The following B4GALT2 variants were observed in gnomAD, a reference collection of about 807,000 sequenced individuals.
The protein encoded by B4GALT2 is N-acetyllactosamine synthase.
B4GALT2 carries 18 observed loss-of-function variants against 33.2 expected under a neutral mutation model. That is an observed-to-expected ratio of 0.54 (90% confidence interval 0.38 to 0.80). B4GALT2 has a LOEUF of 0.80. Ranked by LOEUF, B4GALT2 falls within the 30% of genes least tolerant of loss-of-function variation. B4GALT2 has a pLI of 0.00. For missense variants in B4GALT2, 404 were observed against 526.2 expected (o/e 0.77, Z 2.27); for synonymous variants, 214 against 217.6 (o/e 0.98, Z 0.15).
In B4GALT2 at chr1:43,984,331, C is replaced by T. The variant is rs115030414; in HGVS notation, c.550-534C>T. ...ATTCGTTGTTTGTCTCACTGCATGA[C>T]TCTATACACAGCAGGGAGGGGACCA... On this transcript the variant is annotated intron_variant, in intron 3 of 6. Coordinates refer to ENST00000372324, the MANE Select transcript of B4GALT2 (RefSeq NM_003780.5). The surrounding 1 kb of genome is among the most constrained non-coding windows in gnomAD (Gnocchi z 5.6). Among the ~76,000 whole-genome samples, 446 of 152,362 alleles carry T rather than the reference C, an allele frequency of 2.9e-3. No homozygotes were observed. The highest frequency in any genetic ancestry group is 1.0e-2 in the African/African-American group (414 of 41,588).
intron 6 of B4GALT2, among the ~76,000 whole-genome samples, chr1:43,989,089 A>G (rs1319222912): frequency 6.6e-6 from 1 of 152,084 alleles, no homozygotes; most frequent in Non-Finnish European, 1.5e-5. Flanking sequence ...GCTCATGCCT[A>G]TAATCCCAGC....
Position 43,985,613 on chromosome 1 carries a change from C to T in B4GALT2, c.960C>T (p.Asn320=), listed in dbSNP as rs763400893. 6.2e-6 allele frequency: 10 copies of T among 1,613,960 alleles called. No individual in the cohort carries two copies. In the Admixed American group the frequency reaches 1.0e-4, roughly 16 times the overall value. ...ACCGCGACAAGCATAACGAACCTAA[C>T]CCTCAGAGGTGACCCCAGCACCCTC... The part of the protein sequence containing the change: ...KHDRDKHNEP[N]PQRFTKIQNT... Residue 320 remains asparagine, a synonymous_variant, in exon 6 of 7, where the codon AAC becomes AAT. Coordinates refer to ENST00000372324, the MANE Select transcript of B4GALT2 (RefSeq NM_003780.5).
At chr1:43,989,575 C>G (rs911401663) in intron 6 of B4GALT2, among the ~76,000 whole-genome samples, 1 of 152,200 alleles carries the variant, frequency 6.6e-6, no homozygotes, top group Non-Finnish European at 1.5e-5. Context: ...ATCGAACAAA[C>G]ATGCATGTTA....
Position 43,981,995 on chromosome 1 carries a change from T to C in B4GALT2, c.549+71T>C, listed in dbSNP as rs1489493524. 1 of 1,479,020 alleles carries C rather than the reference T, an allele frequency of 6.8e-7. No individual in the cohort carries two copies. The highest frequency in any genetic ancestry group is 1.8e-5 in the Admixed American group (1 of 55,672). 91.6% of individuals were successfully genotyped at this position (1,479,020 alleles called of 1,614,324 possible). On this transcript the variant is annotated intron_variant, in intron 3 of 6. Coordinates refer to ENST00000372324, the MANE Select transcript of B4GALT2 (RefSeq NM_003780.5). This position sits in a 1 kb window ranked among gnomAD's most constrained non-coding sequence, Gnocchi z 8.1. Reference sequence around the variant, plus strand: ...TTGGGGGCGTTTGTGGGTCCTTGTCTGCCCGTGTGGATATGTGGATGGACC... The same window carrying C: ...TTGGGGGCGTTTGTGGGTCCTTGTCCGCCCGTGTGGATATGTGGATGGACC...
rs1056470275 is a variant in B4GALT2, at chr1:43,981,199, C to T, written c.39C>T (p.Cys13=). The T allele has an allele frequency of 3.1e-6, 5 of 1,602,216 alleles. No individual in the cohort carries two copies. The African/African-American group carries it at 6.7e-5, about 21-fold the overall frequency. Residue 13 remains cysteine (C), a synonymous_variant, in exon 2 of 7, where the codon TGC becomes TGT. Transcript: ENST00000372324. This position sits in a 1 kb window ranked among gnomAD's most constrained non-coding sequence, Gnocchi z 8.1. The stretch of plus-strand genomic sequence containing the variant: ...TGGGGGGGACGCTGGAGCGCGTCTG[C>T]AAGGCTGTGCTCCTTCTCTGCCTGC... ...RLLGGTLERV[C]KAVLLLCLLH...
Position 43,979,875 on chromosome 1 carries a change from A to C in B4GALT2, c.-53+364A>C. 8.6e-6 allele frequency: 8 copies of C among 925,092 alleles called. No individual in the cohort carries two copies. Among genetic ancestry groups the C allele is most frequent in the East Asian group, 6.1e-5 (2 of 32,984 alleles). The allele number at this position is 925,092 out of a possible 1,614,324, so 57.3% of individuals were successfully genotyped here. A position where few individuals can be genotyped will look rare whatever the true frequency, so the allele number is the denominator to read the frequency against. On this transcript the variant is annotated intron_variant, in intron 1 of 6. Transcript: ENST00000372324. This position sits in a 1 kb window ranked among gnomAD's most constrained non-coding sequence, Gnocchi z 4.8. ...TGCGGCCTGCCCGTCCGCGGGTGCC[A>C]CGTGTTCAGCCTGCCAGCCCCGCCC...
At position 43,985,274 on chromosome 1, in the gene B4GALT2, A is replaced by G; in HGVS notation, c.741-4A>G. 2 of 1,609,970 alleles carry G rather than the reference A, an allele frequency of 1.2e-6. No homozygotes were observed. Among genetic ancestry groups the G allele is most frequent in the Non-Finnish European group, 1.7e-6 (2 of 1,177,722 alleles). On this transcript the variant is annotated splice_polypyrimidine_tract_variant and splice_region_variant and intron_variant, in intron 4 of 6. Transcript: ENST00000372324. ...TTACTGACACCTGCCTTCCCATGCC[A>G]CAGGCTTCCCTATGCTGGCTACTTT...
At position 43,981,961 on chromosome 1, in the gene B4GALT2, A is replaced by G. The variant is rs372644633; in HGVS notation, c.549+37A>G. On this transcript the variant is annotated intron_variant, in intron 3 of 6. Transcript: ENST00000372324. This position sits in a 1 kb window ranked among gnomAD's most constrained non-coding sequence, Gnocchi z 8.1. ...GGGGTCCATGTGCCTGTTGGTGTATATATGTGGGTTGGGGGCGTTTGTGGG... is the reference window on the plus strand; with the variant it reads ...GGGGTCCATGTGCCTGTTGGTGTATGTATGTGGGTTGGGGGCGTTTGTGGG... The G allele has an allele frequency of 2.5e-6, 4 of 1,599,976 alleles. No homozygotes were observed. Among genetic ancestry groups the G allele is most frequent in the Non-Finnish European group, 3.4e-6 (4 of 1,169,390 alleles).
intron 6 of B4GALT2, 47 bp from the exon 7 acceptor site, chr1:43,990,251 A>G: frequency 6.2e-7 from 1 of 1,601,006 alleles, no homozygotes; most frequent in African/African-American, 1.3e-5. Context: ...TTTTATTTTT[A>G]GTTTACAGTT....
rs1041781565 is a variant in B4GALT2 at position 43,990,232 on chromosome 1, G to A, written c.969-66G>A. On this transcript the variant is annotated intron_variant, in intron 6 of 6. Coordinates refer to ENST00000372324, the MANE Select transcript of B4GALT2 (RefSeq NM_003780.5). ...AGGGGGTCCATTTAGTTGGTTGGGG[G>A]GTGTAGGATTTTATTTTTAGTTTAC... The A allele has an allele frequency of 5.7e-6, 9 of 1,588,104 alleles. No individual in the cohort carries two copies. In the African/African-American group the frequency reaches 9.4e-5, roughly 17 times the overall value.
rs1013459758 is a variant in B4GALT2, at chr1:43,982,206, T to A, written c.549+282T>A. Among the ~76,000 whole-genome samples, 1 of 151,850 alleles carries A rather than the reference T, an allele frequency of 6.6e-6. No individual in the cohort carries two copies. The highest frequency in any genetic ancestry group is 1.5e-5 in the Non-Finnish European group (1 of 67,936). ...GCCTTGGGTATGCTGTAGGAGGAGA[T>A]GTTGAGGGCCCTGAGGAGAGGGAGT... On this transcript the variant is annotated intron_variant, in intron 3 of 6. Coordinates refer to ENST00000372324, the MANE Select transcript of B4GALT2 (RefSeq NM_003780.5). The surrounding 1 kb of genome is among the most constrained non-coding windows in gnomAD (Gnocchi z 4.3).
At chr1:43,980,757 A>G in intron 1 of B4GALT2, 3 of 406,484 alleles carry the variant, frequency 7.4e-6, no homozygotes, top group Non-Finnish European at 1.2e-5. Flanking sequence ...GCTTAGGTAC[A>G]AACCAGTGTG....
In B4GALT2 at chr1:43,990,280, C is replaced by T; in HGVS notation, c.969-18C>T. The T allele has an allele frequency of 6.2e-7, 1 of 1,613,674 alleles. No homozygotes were observed. Among genetic ancestry groups the T allele is most frequent in the Non-Finnish European group, 8.5e-7 (1 of 1,179,620 alleles). On this transcript the variant is annotated intron_variant, in intron 6 of 6. Transcript: ENST00000372324. The stretch of plus-strand genomic sequence containing the variant: ...TACAGTTGTTAGCCCTGATGTGGAC[C>T]ATTTCCATCCTATCTAGGTTTACCA...
intron 6 of B4GALT2, among the ~76,000 whole-genome samples, chr1:43,988,010 C>G (rs2085677960): frequency 6.6e-6 from 1 of 152,180 alleles, no homozygotes; most frequent in South Asian, 2.1e-4. Context: ...CCAACTTGCC[C>G]TGAGATGAAG....
In B4GALT2 at chr1:43,990,635, G is replaced by A; in HGVS notation, c.*187G>A. The stretch of plus-strand genomic sequence containing the variant: ...CCACTTTGGGGGGCCTCCTGCCTGG[G>A]CAGGCTCTTCAAGTGTGGCCCTCTT... On this transcript the variant is annotated 3_prime_UTR_variant, in exon 7 of 7. Coordinates refer to ENST00000372324, the MANE Select transcript of B4GALT2 (RefSeq NM_003780.5). 5.1e-6 allele frequency: 4 copies of A among 787,046 alleles called. No homozygotes were observed. The highest frequency in any genetic ancestry group is 7.9e-6 in the Non-Finnish European group (4 of 507,250). 48.8% of individuals were successfully genotyped at this position (787,046 alleles called of 1,614,324 possible).
rs1201895885 is a variant in B4GALT2 at position 43,984,720 on chromosome 1, AG to A, written c.550-144del. 3.5e-6 allele frequency: 3 copies of A among 859,616 alleles called. No homozygotes were observed. Among genetic ancestry groups the A allele is most frequent in the African/African-American group, 3.4e-5 (2 of 58,524 alleles). 53.2% of individuals were successfully genotyped at this position (859,616 alleles called of 1,614,324 possible). A position where few individuals can be genotyped will look rare whatever the true frequency, so the allele number is the denominator to read the frequency against. ...GCCTTTGTAGGCCAGATCCCGGTCG[AG>A]AAGCTGGACTAGATCCTGAGAGCCT... On this transcript the variant is annotated intron_variant, in intron 3 of 6. Transcript: ENST00000372324. This position sits in a 1 kb window ranked among gnomAD's most constrained non-coding sequence, Gnocchi z 5.6.
chr1:43,984,806 A>G lies in B4GALT2; in HGVS notation c.550-59A>G. The G allele has an allele frequency of 1.3e-6, 2 of 1,559,686 alleles. No individual in the cohort carries two copies. The highest frequency in any genetic ancestry group is 1.4e-5 in the African/African-American group (1 of 74,038). ...CCAGAGACTGCTCTGGAGAGTGGCA[A>G]AAGGGCAGGTGCTTGTTGGTCACAG... is the stretch of plus-strand genomic sequence containing the variant. On this transcript the variant is annotated intron_variant, in intron 3 of 6. Coordinates refer to ENST00000372324, the MANE Select transcript of B4GALT2 (RefSeq NM_003780.5). This position sits in a 1 kb window ranked among gnomAD's most constrained non-coding sequence, Gnocchi z 5.6.
chr1:43,985,450 G>GGGGGT, intron 5 of B4GALT2, 50 bp downstream of exon 5: 1 of 822,528 alleles, frequency 1.2e-6, no homozygotes, highest in Non-Finnish European at 1.8e-6. Flanking sequence ...GGGAGGGGGG[G>GGGGGT]TGCAGACTGG....
chr1:43,987,686 C>T (rs549379365), intron 6 of B4GALT2, among the ~76,000 whole-genome samples: 40 of 152,334 alleles, frequency 2.6e-4, no homozygotes, highest in Non-Finnish European at 4.7e-4. Context: ...TGGCCCCCAA[C>T]TGGGTTAAAC....
Sources: gnomAD v4.1 joint callset for allele counts (sites outside exome capture counted in the v4.1 genomes callset) on GRCh38, gnomAD v4.1.1 for gene constraint, Gnocchi (gnomAD v3.1) non-coding constraint, MANE v1.5 for transcripts, NCBI Gene and HGNC (gene_info 2026-07-23, HGNC 2026-07-21) for gene names.